EXTL3: variants seen among roughly 807,000 people sequenced by gnomAD.
EXTL3 encodes exostosin-like 3.
EXTL3 carries 27 observed loss-of-function variants against 69.3 expected under a neutral mutation model. The ratio of observed to expected loss-of-function variants is 0.39; its 90% CI spans 0.29 to 0.54. The LOEUF is 0.54. Among genes scored for constraint, EXTL3 ranks in the 20% least tolerant of loss-of-function variants. The probability of loss-of-function intolerance (pLI) is 0.69; values close to 1 mark genes in which losing one functional copy is unlikely to be tolerated. For synonymous variants in EXTL3, 511 were observed against 499.4 expected (o/e 1.02, Z -0.31); for missense variants, 1,003 against 1,231.8 (o/e 0.81, Z 2.78).
chr8:28,673,256 A>AT (rs1807327561), intron 1 of EXTL3, among the ~76,000 whole-genome samples: 1 of 152,192 alleles, frequency 6.6e-6, no homozygotes, highest in African/African-American at 2.4e-5. Context: ...GAAATGGTTA[A>AT]TTTTATCTGT....
rs146266850 is a variant in EXTL3, at chr8:28,646,049, G to T, written c.-53+23239G>T. On this transcript the variant is annotated intron_variant, in intron 1 of 6. Transcript: ENST00000523149. ...GGCTAATTTTTGTATATTTGGTAGG[G>T]ATGGGCTTTGCCATGTTGCTCATTC... Among the ~76,000 whole-genome samples the T allele has an allele frequency of 2.7e-4, 40 of 150,622 alleles. No homozygotes were observed. In the East Asian group the frequency reaches 7.6e-3, roughly 29 times the overall value.
chr8:28,741,260 T>A (rs1252497502), intron 5 of EXTL3: 1 of 152,250 alleles, frequency 6.6e-6, no homozygotes, highest in Non-Finnish European at 1.5e-5. Context: ...GAACAGTTAT[T>A]CTGATAATGC....
At chr8:28,650,866 C>CT (rs1806908975) in intron 1 of EXTL3, among the ~76,000 whole-genome samples, 1 of 151,918 alleles carries the variant, frequency 6.6e-6, no homozygotes. Flanking sequence ...GGCCTACCTT[C>CT]TTTTTCTTTT....
intron 1 of EXTL3, among the ~76,000 whole-genome samples, chr8:28,675,335 C>T (rs1349826441): frequency 6.6e-6 from 1 of 152,214 alleles, no homozygotes; most frequent in East Asian, 1.9e-4. Flanking sequence ...CATCGTGCAA[C>T]ACTTGCTGAC....
rs1046582396 is a variant in EXTL3, at chr8:28,751,690, T to C, written c.*824T>C. 3 of 150,916 alleles carry C rather than the reference T, an allele frequency of 2.0e-5. No individual in the cohort carries two copies. The highest frequency in any genetic ancestry group is 2.9e-5 in the Non-Finnish European group (2 of 68,040). 9.3% of individuals were successfully genotyped at this position (150,916 alleles called of 1,614,324 possible). A position where few individuals can be genotyped will look rare whatever the true frequency, so the allele number is the denominator to read the frequency against. ...CCCTGCTCTCCCATTTCTCTCTTGT[T>C]TGAGAGAGAATGAGGAAGCAAAGAG... On this transcript the variant is annotated 3_prime_UTR_variant, in exon 7 of 7. Transcript: ENST00000220562.
intron 1 of EXTL3, among the ~76,000 whole-genome samples, chr8:28,651,215 A>G (rs1285953812): frequency 2.0e-5 from 3 of 152,192 alleles, no homozygotes. Context: ...CTGTACCTTT[A>G]AAAACAGAAT....
intron 1 of EXTL3, among the ~76,000 whole-genome samples, chr8:28,695,281 A>C (rs1800669428): frequency 6.6e-6 from 1 of 151,804 alleles, no homozygotes; most frequent in Admixed American, 6.6e-5. Context: ...GGCACCCACC[A>C]CCATGCCCGG....
rs1237136943 is a variant in EXTL3, at chr8:28,750,851, C to T, written c.2745C>T (p.Cys915=). The change falls in exon 7 of 7, where the codon TGC becomes TGT. Residue 915 remains cysteine (C), a synonymous_variant. Coordinates refer to ENST00000220562, the MANE Select transcript of EXTL3 (RefSeq NM_001440.4). The surrounding 1 kb of genome is among the most constrained non-coding windows in gnomAD (Gnocchi z 5.2). ...KTRLPHDKTK[C]FKFI ...GCCTGCCCCATGACAAGACCAAGTG[C>T]TTCAAGTTCATCTAGGGGCAGCGCA... The T allele has an allele frequency of 2.5e-6, 4 of 1,614,078 alleles. No homozygotes were observed. The highest frequency in any genetic ancestry group is 3.4e-6 in the Non-Finnish European group (4 of 1,179,984).
At chr8:28,728,876 C>T (rs1563219856) in intron 3 of EXTL3, among the ~76,000 whole-genome samples, 1 of 151,914 alleles carries the variant, frequency 6.6e-6, no homozygotes, top group Non-Finnish European at 1.5e-5. Flanking sequence ...TAGGTGACAA[C>T]TCAAGACTCC....
chr8:28,716,609 G>A lies in EXTL3; in HGVS notation c.550G>A (p.Asp184Asn). Reference protein sequence around the residue: ...TRGCRLHNCFDYSRCPLTSGF... With the variant: ...TRGCRLHNCFNYSRCPLTSGF... ...GGGCTGCCGGCTACACAACTGCTTT[G>A]ATTATTCTCGTTGCCCTCTCACCTC... The change falls in exon 3 of 7, where the codon GAT (aspartate) becomes AAT (asparagine). Residue 184 changes from aspartate to asparagine, a missense_variant. By Grantham distance (23) the Asp-to-Asn change is conservative. Transcript: ENST00000220562. The surrounding 1 kb of genome is among the most constrained non-coding windows in gnomAD (Gnocchi z 7.1). The A allele has an allele frequency of 6.2e-7, 1 of 1,614,208 alleles. No individual in the cohort carries two copies. Among genetic ancestry groups the A allele is most frequent in the Admixed American group, 1.7e-5 (1 of 60,028 alleles).
chr8:28,610,885 G>A (rs948598254), intron 2 of EXTL3, among the ~76,000 whole-genome samples: 1 of 152,086 alleles, frequency 6.6e-6, no homozygotes, highest in Admixed American at 6.6e-5. Context: ...TGGGATTACA[G>A]GCGCCTGCCA....
chr8:28,675,781 G>A (rs1807371506), intron 1 of EXTL3, among the ~76,000 whole-genome samples: 1 of 152,172 alleles, frequency 6.6e-6, no homozygotes, highest in Admixed American at 6.6e-5. Context: ...CAGCACTTTG[G>A]GAGGCCAAGG....
intron 1 of EXTL3, among the ~76,000 whole-genome samples, chr8:28,635,428 G>T (rs1308585776): frequency 6.7e-6 from 1 of 148,634 alleles, no homozygotes; most frequent in Non-Finnish European, 1.5e-5. Flanking sequence ...TTGGCCGAGC[G>T]CAGTGGCTCA....
downstream of EXTL3, among the ~76,000 whole-genome samples, chr8:28,756,188 C>G (rs971240903): frequency 2.6e-5 from 4 of 152,240 alleles, no homozygotes; most frequent in African/African-American, 9.6e-5. Flanking sequence ...CCAGACCCCT[C>G]TCAATATATG....
At chr8:28,663,827 GAC>G (rs1807153090) in intron 1 of EXTL3, among the ~76,000 whole-genome samples, 1 of 152,178 alleles carries the variant, frequency 6.6e-6, no homozygotes, top group African/African-American at 2.4e-5. Flanking sequence ...CCCTCAGCAA[GAC>G]AGTTTCAGGC....
chr8:28,636,514 T>G (rs542109741), intron 1 of EXTL3, among the ~76,000 whole-genome samples: 45 of 152,280 alleles, frequency 3.0e-4, no homozygotes, highest in African/African-American at 1.1e-3. Flanking sequence ...ATATCTGCCC[T>G]TAAGAGAATT....
chr8:28,639,620 G>A (rs1270310364), intron 1 of EXTL3, among the ~76,000 whole-genome samples: 1 of 152,124 alleles, frequency 6.6e-6, no homozygotes, highest in Admixed American at 6.6e-5. Context: ...GGCCTCTGAT[G>A]CCAGTTGAGC....
rs369526592 is a variant in EXTL3, at chr8:28,716,038, G to C, written c.-22G>C. On this transcript the variant is annotated 5_prime_UTR_variant, in exon 3 of 7. Coordinates refer to ENST00000220562, the MANE Select transcript of EXTL3 (RefSeq NM_001440.4). The surrounding 1 kb of genome is among the most constrained non-coding windows in gnomAD (Gnocchi z 7.1). ...ATGGCGAGTGACCCGACGTGATCTG[G>C]GGGGCAGGCTGCAGAGGACTCATGA... 12 of 1,584,814 alleles carry C rather than the reference G, an allele frequency of 7.6e-6. No homozygotes were observed. The African/African-American group carries it at 1.2e-4, about 16-fold the overall frequency.
intron 1 of EXTL3, among the ~76,000 whole-genome samples, chr8:28,661,930 C>T (rs928982662): frequency 1.3e-5 from 2 of 150,526 alleles, no homozygotes; most frequent in African/African-American, 4.9e-5. Context: ...GTATATATTA[C>T]ATATTGTTTC....
Sources: allele counts gnomAD v4.1 joint callset (sites outside exome capture counted in the v4.1 genomes callset), GRCh38; gene constraint gnomAD v4.1.1; non-coding constraint Gnocchi (gnomAD v3.1); transcripts MANE v1.5; gene names NCBI Gene and HGNC (gene_info 2026-07-23, HGNC 2026-07-21).